The following FLAD1 variants were observed in gnomAD, a reference collection of about 807,000 sequenced individuals.
The protein encoded by FLAD1 is bifunctional FAD diphosphatase/FAD synthase.
Under a neutral mutation model 55.0 loss-of-function variants are expected in FLAD1, and 35 were observed. That is an observed-to-expected ratio of 0.64 (90% confidence interval 0.49 to 0.84). The LOEUF is 0.84. FLAD1 is among the 40% of genes least tolerant of loss of function. The pLI is 0.00. For missense variants in FLAD1, 665 were observed against 742.6 expected, an observed-to-expected ratio of 0.90 and a Z score of 1.21; for synonymous variants, 267 against 303.0, an observed-to-expected ratio of 0.88 and a Z score of 1.23.
Position 154,989,691 on chromosome 1 carries a change from C to G in FLAD1, c.1249C>G (p.His417Asp), listed in dbSNP as rs1310585901. ...CTGCACTGCCCTCCTGCACCTCTTC[C>G]ATGCAGCTGTGCAGAGGTGAGCCTG... is the stretch of plus-strand genomic sequence containing the variant. ...KDCTALLHLF[H>D]AAVQRKLPDV... The change falls in exon 3 of 7, where the codon CAT becomes GAT. Residue 417 changes from histidine to aspartate, a missense_variant. Physicochemically the swap from His to Asp is moderately conservative, Grantham distance 81. Coordinates refer to ENST00000292180, the MANE Select transcript of FLAD1 (RefSeq NM_025207.5). 1.3e-6 allele frequency: 2 copies of G among 1,558,528 alleles called. No individual in the cohort carries two copies. Among genetic ancestry groups the G allele is most frequent in the Non-Finnish European group, 8.7e-7 (1 of 1,150,002 alleles).
chr1:154,985,031 A>ATTTTTTTTTTTTTT (rs749772991), intron 1 of FLAD1, among the ~76,000 whole-genome samples: 1 of 32,586 alleles, frequency 3.1e-5, no homozygotes, highest in Admixed American at 5.2e-4. Context: ...CACCTGGCTA[A>ATTTTTTTTTTTTTT]TTTTTTTTTT....
chr1:154,990,255 G>C lies in FLAD1; in HGVS notation c.1362G>C (p.Lys454Asn). Residue 454 changes from lysine (K) to asparagine (N), a missense_variant and splice_region_variant, in exon 4 of 7, where the codon AAG (lysine) becomes AAC (asparagine). Transcript: ENST00000292180. ...AACAGTTTCTACAGGACACTATCAAGAGGTACTAGGGGCCTGGAGGTTTGG... is the reference window on the plus strand; with the variant it reads ...AACAGTTTCTACAGGACACTATCAACAGGTACTAGGGGCCTGGAGGTTTGG... ...ELEQFLQDTI[K>N]RYNLQMLEAE... 6.2e-7 allele frequency: 1 copy of C among 1,613,928 alleles called. No individual in the cohort carries two copies. The highest frequency in any genetic ancestry group is 8.5e-7 in the Non-Finnish European group (1 of 1,179,806).
Position 154,988,780 on chromosome 1 carries a change from TCGCTGGTCCCCTACATGCCCAA to T in FLAD1, c.1054_1075del (p.Val352TrpfsTer109), listed in dbSNP as rs1170313629. On this transcript the variant is annotated frameshift_variant, in exon 2 of 7. Transcript: ENST00000292180. LOFTEE classifies it high-confidence loss of function. ...CCTGACTGCCCGTTTGCCCCAGGGA[TCGCTGGTCCCCTACATGCCCAA>T]CGCTGTGGAGCAGGCCAGTGAGGCT... 1 of 1,614,060 alleles carries T rather than the reference TCGCTGGTCCCCTACATGCCCAA, an allele frequency of 6.2e-7. No individual in the cohort carries two copies. The highest frequency in any genetic ancestry group is 8.5e-7 in the Non-Finnish European group (1 of 1,180,032).
chr1:154,992,442 CA>C (rs369797405), intron 5 of FLAD1: 3,562 of 763,796 alleles, frequency 4.7e-3, no homozygotes, highest in Non-Finnish European at 5.6e-3. Context: ...GACTCCGTCT[CA>C]AAAAAAAAAT....
Position 154,988,802 on chromosome 1 carries a change from A to G in FLAD1, c.1070A>G (p.Asn357Ser). Residue 357 changes from asparagine to serine, a missense_variant, in exon 2 of 7, where the codon AAC becomes AGC. Physicochemically the swap from Asn to Ser is conservative, Grantham distance 46 (BLOSUM62 1). Transcript: ENST00000292180. ...PQGSLVPYMP[N>S]AVEQASEAVY... is the part of the protein sequence containing the mutation. ...GGATCGCTGGTCCCCTACATGCCCA[A>G]CGCTGTGGAGCAGGCCAGTGAGGCT... The G allele has an allele frequency of 6.2e-7, 1 of 1,614,188 alleles. No homozygotes were observed. Among genetic ancestry groups the G allele is most frequent in the Non-Finnish European group, 8.5e-7 (1 of 1,180,024 alleles).
In FLAD1 at chr1:154,988,579, G is replaced by A; in HGVS notation, c.847G>A (p.Glu283Lys). 1 of 1,614,218 alleles carries A rather than the reference G, an allele frequency of 6.2e-7. No homozygotes were observed. The highest frequency in any genetic ancestry group is 8.5e-7 in the Non-Finnish European group (1 of 1,180,042). The change falls in exon 2 of 7, where the codon GAG becomes AAG. Residue 283 changes from glutamate (E) to lysine (K), a missense_variant. Transcript: ENST00000292180. Reference protein sequence around the residue: ...QNPAVQFHSKELYVAADEASI... With the variant: ...QNPAVQFHSKKLYVAADEASI... Reference sequence around the variant, plus strand: ...CCCAGCTGTTCAGTTCCACTCAAAGGAGCTATATGTGGCTGCTGATGAAGC... The same window carrying A: ...CCCAGCTGTTCAGTTCCACTCAAAGAAGCTATATGTGGCTGCTGATGAAGC...
At chr1:154,985,073 G>A (rs1485667001) in intron 1 of FLAD1, among the ~76,000 whole-genome samples, 1 of 110,056 alleles carries the variant, frequency 9.1e-6, no homozygotes, top group Admixed American at 1.3e-4. Flanking sequence ...TTCAGAAACG[G>A]TCTCACTATG....
At position 154,989,561 on chromosome 1, in the gene FLAD1, G is replaced by A. The variant is rs142224458; in HGVS notation, c.1119G>A (p.Gly373=). 3.1e-4 allele frequency: 481 copies of A among 1,570,388 alleles called. 1 individual carries two copies. The African/African-American group carries it at 3.3e-3, about 11-fold the overall frequency. Residue 373 remains glycine, a splice_region_variant and synonymous_variant, in exon 3 of 7, where the codon GGG becomes GGA. Coordinates refer to ENST00000292180, the MANE Select transcript of FLAD1 (RefSeq NM_025207.5). Reference sequence around the variant, plus strand: ...CCCTCTTCCCTGCCTGCTTGGCAGGGTCTTCTTTGGGGAAAAAGGTGGCAG... The same window carrying A: ...CCCTCTTCCCTGCCTGCTTGGCAGGATCTTCTTTGGGGAAAAAGGTGGCAG... ...SEAVYKLAES[G]SSLGKKVAGA... is the part of the protein sequence containing the mutation.
intron 2 of FLAD1, among the ~76,000 whole-genome samples, chr1:154,989,183 G>C (rs1657754882): frequency 6.6e-6 from 1 of 152,200 alleles, no homozygotes; most frequent in South Asian, 2.1e-4. Context: ...CTTGATCTGG[G>C]GTCAGAGAAG....
intron 1 of FLAD1, chr1:154,987,894 T>G: frequency 1.4e-6 from 2 of 1,422,060 alleles, no homozygotes; most frequent in East Asian, 5.0e-5. Context: ...ACTGAGCCAC[T>G]ATACTCCAGC....
chr1:154,992,210 C>T (rs1000265522), intron 5 of FLAD1, among the ~76,000 whole-genome samples: 35 of 150,828 alleles, frequency 2.3e-4, no homozygotes, highest in Non-Finnish European at 3.8e-4. Context: ...TTTGGGAGGC[C>T]GTGGCGGGCG....
chr1:154,984,567 G>A (rs559289600), intron 1 of FLAD1, among the ~76,000 whole-genome samples: 1 of 152,156 alleles, frequency 6.6e-6, no homozygotes, highest in African/African-American at 2.4e-5. Flanking sequence ...AATTAGCCAG[G>A]CGTGGTGGTG....
intron 5 of FLAD1, among the ~76,000 whole-genome samples, chr1:154,992,368 G>A (rs550808222): frequency 1.5e-3 from 233 of 151,588 alleles, no homozygotes; most frequent in Non-Finnish European, 2.7e-3. Context: ...GCATGAACCC[G>A]GGAGGCAGAG....
rs556010860 is a variant in FLAD1, at chr1:154,989,740, T to G, written c.1265+33T>G. On this transcript the variant is annotated intron_variant, in intron 3 of 6. Transcript: ENST00000292180. ...TGCCCCCGGGAGACAAGACCCCTGA[T>G]CTGTTTCTCCAGTTCCACATCCCAG... The G allele has an allele frequency of 3.4e-6, 5 of 1,487,228 alleles. 1 individual carries two copies. In the South Asian group the frequency reaches 5.7e-5, roughly 17 times the overall value. The allele number at this position is 1,487,228 out of a possible 1,614,324, so 92.1% of individuals were successfully genotyped here.
intron 3 of FLAD1, 25 bp from the exon 4 acceptor site, chr1:154,990,134 C>T: frequency 6.3e-7 from 1 of 1,576,402 alleles, no homozygotes; most frequent in Non-Finnish European, 8.7e-7. Flanking sequence ...TGCTCACAAG[C>T]CTGTGGATTC....
chr1:154,992,656 G>A, intron 5 of FLAD1, 57 bp from the exon 6 acceptor site: 1 of 1,614,176 alleles, frequency 6.2e-7, no homozygotes, highest in Non-Finnish European at 8.5e-7. Flanking sequence ...CAGGACAGCA[G>A]GGGTAGAAGT....
chr1:154,990,606 G>T, intron 5 of FLAD1, 78 bp downstream of exon 5: 1 of 1,384,718 alleles, frequency 7.2e-7, no homozygotes, highest in Non-Finnish European at 9.6e-7. Context: ...CTGCAGTAGT[G>T]GGGAGGCTAG....
intron 1 of FLAD1, among the ~76,000 whole-genome samples, chr1:154,985,405 T>C (rs1571479555): frequency 1.6e-5 from 2 of 127,292 alleles, no homozygotes; most frequent in Admixed American, 7.5e-5. Context: ...TAATAGACCC[T>C]TTTTTTTTTT....
intron 1 of FLAD1, among the ~76,000 whole-genome samples, chr1:154,987,140 A>G (rs1657651958): frequency 1.3e-5 from 2 of 149,602 alleles, no homozygotes; most frequent in South Asian, 4.3e-4. Context: ...CAGCCCACCC[A>G]CTTCAGCCTC....
Sources: gnomAD v4.1 joint callset for allele counts (sites outside exome capture counted in the v4.1 genomes callset) on GRCh38, gnomAD v4.1.1 for gene constraint, MANE v1.5 for transcripts, NCBI Gene and HGNC (gene_info 2026-07-23, HGNC 2026-07-21) for gene names.